MATN1: variants seen among roughly 807,000 people sequenced by gnomAD.
MATN1 encodes matrilin 1.
Under a neutral mutation model 41.3 loss-of-function variants are expected in MATN1, and 34 were observed. The observed-to-expected ratio is 0.82, with a 90% CI of 0.63 to 1.10. MATN1 has a LOEUF of 1.10. Among genes scored for constraint, MATN1 ranks in the 50% least tolerant of loss-of-function variants. MATN1 has a pLI of 0.00. For missense variants in MATN1, 602 were observed against 662.4 expected (o/e 0.91, Z 1.00); for synonymous variants, 264 against 278.7 (o/e 0.95, Z 0.53).
chr1:30,719,279 T>C, intron 2 of MATN1: 1 of 325,070 alleles, frequency 3.1e-6, no homozygotes. Flanking sequence ...GAGGGCAGGG[T>C]CCTCAGGCTG....
chr1:30,714,230 C>T lies in MATN1; in HGVS notation c.1441+17G>A, dbSNP rs772410425. The T allele has an allele frequency of 1.3e-6, 2 of 1,585,336 alleles. No homozygotes were observed. The highest frequency in any genetic ancestry group is 1.8e-5 in the Admixed American group (1 of 56,134). ...CTGCGCCCCTCCCCAGCCCCAGCCC[C>T]CTCTGGGAAGGGATATGTTTCCTGG... On this transcript the variant is annotated intron_variant, in intron 7 of 7. Transcript: ENST00000373765.
rs1447305128 is a variant in MATN1, at chr1:30,718,879, C to T, written c.520G>A (p.Glu174Lys). ...VSARARASGV[E>K]LFAIGVGSVD... is the part of the protein sequence containing the mutation. ...CTGCCCACTCCGATGGCGAACAGCT[C>T]GACGCCGCTGGCCCGGGCCCGCGCA... The change falls in exon 3 of 8, where the codon GAG becomes AAG. Residue 174 changes from glutamate to lysine, a missense_variant. Coordinates refer to ENST00000373765, the MANE Select transcript of MATN1 (RefSeq NM_002379.3). 2.5e-6 allele frequency: 4 copies of T among 1,599,334 alleles called. No homozygotes were observed. In the East Asian group the frequency reaches 6.7e-5, roughly 27 times the overall value.
intron 1 of MATN1, among the ~76,000 whole-genome samples, chr1:30,722,037 A>G (rs1306277615): frequency 1.3e-5 from 2 of 152,128 alleles, no homozygotes; most frequent in Non-Finnish European, 2.9e-5. Context: ...GCAGTGAGCT[A>G]GCAATCCCTC....
Position 30,716,058 on chromosome 1 carries a change from A to AT in MATN1, c.1057dup (p.Met353AsnfsTer11). 6.2e-7 allele frequency: 1 copy of AT among 1,614,206 alleles called. No homozygotes were observed. Among genetic ancestry groups the AT allele is most frequent in the Non-Finnish European group, 8.5e-7 (1 of 1,180,040 alleles). The stretch of plus-strand genomic sequence containing the variant: ...GAGGTACTTGAGAGCAGCCCCAGTC[A>AT]TTGTGCCCTTCTCCATGTAGGACAT... On this transcript the variant is annotated frameshift_variant, in exon 5 of 8. Transcript: ENST00000373765. LOFTEE classifies it high-confidence loss of function.
chr1:30,715,936 C>A lies in MATN1; in HGVS notation c.1180G>T (p.Asp394Tyr). The A allele has an allele frequency of 6.2e-7, 1 of 1,614,046 alleles. No individual in the cohort carries two copies. The highest frequency in any genetic ancestry group is 8.5e-7 in the Non-Finnish European group (1 of 1,179,914). ...TDGRSQDYIN[D>Y]AAKKAKDLGF... ...AGGTCTTTGGCCTTCTTGGCAGCAT[C>A]ATTAATGTAGTCCTGGCTCCGGCCA... The change falls in exon 5 of 8, where the codon GAT (aspartate) becomes TAT (tyrosine). Residue 394 changes from aspartate (D) to tyrosine (Y), a missense_variant. Transcript: ENST00000373765.
intron 1 of MATN1, 29 bp from the exon 2 acceptor site, chr1:30,721,780 G>A (rs781003268): frequency 6.4e-7 from 1 of 1,567,162 alleles, no homozygotes; most frequent in East Asian, 2.2e-5. Flanking sequence ...GGGTAAGGCA[G>A]AGAGCAGAGA....
At chr1:30,715,732 G>A (rs1639609899) in intron 5 of MATN1, among the ~76,000 whole-genome samples, 177 bp downstream of exon 5, 1 of 152,134 alleles carries the variant, frequency 6.6e-6, no homozygotes, top group African/African-American at 2.4e-5. Context: ...TTACTTTTCT[G>A]GGGCCTCAAT....
chr1:30,715,223 A>G lies in MATN1; in HGVS notation c.1294T>C (p.Phe432Leu). The G allele has an allele frequency of 6.2e-7, 1 of 1,614,204 alleles. No homozygotes were observed. The highest frequency in any genetic ancestry group is 8.5e-7 in the Non-Finnish European group (1 of 1,180,030). The change falls in exon 6 of 8, where the codon TTC (phenylalanine) becomes CTC (leucine). Residue 432 changes from phenylalanine to leucine, a missense_variant. Physicochemically the swap from Phe to Leu is conservative, Grantham distance 22. Transcript: ENST00000373765. ...IASEPVAEHY[F>L]YTADFKTINQ... is the part of the protein sequence containing the mutation. ...ATGGTCTTGAAGTCAGCCGTGTAGA[A>G]GTAGTGCTCTGCCACAGGCTCTGAG... is the stretch of plus-strand genomic sequence containing the variant.
chr1:30,723,433 C>A, intron 1 of MATN1, 25 bp downstream of exon 1: 1 of 1,479,990 alleles, frequency 6.8e-7, no homozygotes, highest in Non-Finnish European at 9.0e-7. Flanking sequence ...GCTCAGTAGC[C>A]CCCATCTCAC....
In MATN1 at chr1:30,721,496, C is replaced by G; in HGVS notation, c.350G>C (p.Gly117Ala). ...CTGGATGGCCAGGCCGGTCATGGTG[C>G]CTGTGGACAGCGGCTGGATACGGCG... ...AVRRIQPLST[G>A]TMTGLAIQFA... Residue 117 changes from glycine to alanine, a missense_variant, in exon 2 of 8, where the codon GGC (glycine) becomes GCC (alanine). Transcript: ENST00000373765. The G allele has an allele frequency of 6.2e-7, 1 of 1,613,520 alleles. No individual in the cohort carries two copies.
rs760125020 is a variant in MATN1 at position 30,721,756 on chromosome 1, G to C, written c.95-5C>G. ...GCCGCGTCCGGCAGAGATGGCCTGG[G>C]AGTGGGGCAGGAGGGGTAAGGCAGA... On this transcript the variant is annotated splice_polypyrimidine_tract_variant and splice_region_variant and intron_variant, in intron 1 of 7. Coordinates refer to ENST00000373765, the MANE Select transcript of MATN1 (RefSeq NM_002379.3). 6.2e-7 allele frequency: 1 copy of C among 1,604,154 alleles called. No homozygotes were observed. Among genetic ancestry groups the C allele is most frequent in the Non-Finnish European group, 8.5e-7 (1 of 1,177,276 alleles).
intron 2 of MATN1, chr1:30,720,071 C>A (rs1639677711): frequency 6.6e-6 from 1 of 150,464 alleles, no homozygotes; most frequent in East Asian, 1.9e-4. Flanking sequence ...GGGGCCTGGG[C>A]TCCTGGCTCT....
Position 30,713,313 on chromosome 1 carries a change from C to T in MATN1, c.*269G>A. On this transcript the variant is annotated 3_prime_UTR_variant, in exon 8 of 8. Transcript: ENST00000373765. ...GCAAACGCAGTCCCTCTCACACTCA[C>T]CCCTGCATTATCACTCTCACACTCA... is the stretch of plus-strand genomic sequence containing the variant. The T allele has an allele frequency of 1.9e-6, 1 of 520,830 alleles. No individual in the cohort carries two copies. 32.3% of individuals were successfully genotyped at this position (520,830 alleles called of 1,614,324 possible).
At chr1:30,714,507 G>C (rs903490317) in intron 6 of MATN1, among the ~76,000 whole-genome samples, 180 bp from the exon 7 acceptor site, 2 of 152,222 alleles carry the variant, frequency 1.3e-5, no homozygotes, top group Non-Finnish European at 2.9e-5. Flanking sequence ...AGGAGTGATA[G>C]AGGGGTGACC....
chr1:30,723,346 C>T (rs1639719509), intron 1 of MATN1, 112 bp downstream of exon 1: 2 of 786,650 alleles, frequency 2.5e-6, no homozygotes, highest in Admixed American at 3.9e-5. Flanking sequence ...CGCCCTGCTC[C>T]CTTCCCCATC....
At chr1:30,721,006 G>A (rs1232444724) in intron 2 of MATN1, 4 of 186,250 alleles carry the variant, frequency 2.1e-5, no homozygotes, top group East Asian at 1.4e-4. Flanking sequence ...GTGACATGAC[G>A]TCACTTGCTC....
Position 30,721,769 on chromosome 1 carries a change from G to C in MATN1, c.95-18C>G. 5 of 1,592,636 alleles carry C rather than the reference G, an allele frequency of 3.1e-6. No homozygotes were observed. Among genetic ancestry groups the C allele is most frequent in the Non-Finnish European group, 4.3e-6 (5 of 1,169,998 alleles). ...GAGATGGCCTGGGAGTGGGGCAGGAGGGGTAAGGCAGAGAGCAGAGACACA... is the reference window on the plus strand; with the variant it reads ...GAGATGGCCTGGGAGTGGGGCAGGACGGGTAAGGCAGAGAGCAGAGACACA... On this transcript the variant is annotated intron_variant, in intron 1 of 7. Transcript: ENST00000373765.
At chr1:30,714,226 G>GC in intron 7 of MATN1, 21 bp downstream of exon 7, 4 of 1,481,530 alleles carry the variant, frequency 2.7e-6, no homozygotes, top group Non-Finnish European at 3.7e-6. Flanking sequence ...CCCAGCCCCA[G>GC]CCCCCTCTGG....
At chr1:30,717,538 A>G (rs905499443) in intron 3 of MATN1, among the ~76,000 whole-genome samples, 1 of 150,828 alleles carries the variant, frequency 6.6e-6, no homozygotes, top group East Asian at 1.9e-4. Flanking sequence ...ACACAGAAAC[A>G]TGTGTAGGTT....
Sources: gnomAD v4.1 joint callset for allele counts (sites outside exome capture counted in the v4.1 genomes callset) on GRCh38, gnomAD v4.1.1 for gene constraint, MANE v1.5 for transcripts, NCBI Gene and HGNC (gene_info 2026-07-23, HGNC 2026-07-21) for gene names.